Variants in MCF2L observed in about 807,000 individuals in gnomAD.
MCF2L encodes MCF.2 cell line derived transforming sequence like, also known as guanine nucleotide exchange factor DBS.
MCF2L carries 97 observed loss-of-function variants against 153.4 expected under a neutral mutation model. The ratio of observed to expected loss-of-function variants is 0.63; its 90% CI spans 0.54 to 0.75. The LOEUF (loss-of-function observed/expected upper bound fraction) is 0.75, where lower values mean the gene tolerates loss of function less well. Among genes scored for constraint, MCF2L ranks in the 30% least tolerant of loss-of-function variants. The pLI is 0.00. For missense variants in MCF2L, 1,347 were observed against 1,495.2 expected, an observed-to-expected ratio of 0.90 and a Z score of 1.64; for synonymous variants, 659 against 632.2, an observed-to-expected ratio of 1.04 and a Z score of -0.64.
chr13:112,985,329 G>C (rs952433314), intron 1 of MCF2L: 2 of 458,632 alleles, frequency 4.4e-6, no homozygotes. Flanking sequence ...TACAAGGAGA[G>C]GGTTGTGGCG....
intron 2 of MCF2L, among the ~76,000 whole-genome samples, chr13:113,019,327 G>A (rs1162383487): frequency 6.6e-6 from 1 of 152,180 alleles, no homozygotes; most frequent in Non-Finnish European, 1.5e-5. Flanking sequence ...CACCAGACCC[G>A]AAGCTCAGTC....
At position 113,074,339 on chromosome 13, in the gene MCF2L, C is replaced by T. The variant is rs1224579100; in HGVS notation, c.997-105C>T. The T allele has an allele frequency of 6.9e-7, 1 of 1,447,270 alleles. No homozygotes were observed. Among genetic ancestry groups the T allele is most frequent in the Non-Finnish European group, 9.5e-7 (1 of 1,047,438 alleles). The allele number at this position is 1,447,270 out of a possible 1,614,324, so 89.7% of individuals were successfully genotyped here. A position where few individuals can be genotyped will look rare whatever the true frequency, so the allele number is the denominator to read the frequency against. On this transcript the variant is annotated intron_variant, in intron 9 of 29. Coordinates refer to ENST00000535094, the MANE Select transcript of MCF2L (RefSeq NM_001112732.3). The surrounding 1 kb of genome is among the most constrained non-coding windows in gnomAD (Gnocchi z 4.2). ...CCCTGCTTGATTGATGACCACTTGG[C>T]CCGACTTTGAATTCTGTCATTTCCC...
intron 1 of MCF2L, among the ~76,000 whole-genome samples, chr13:112,994,483 C>A (rs1259051953): frequency 2.0e-5 from 3 of 152,220 alleles, no homozygotes; most frequent in South Asian, 4.1e-4. Context: ...AATCTCTGAG[C>A]TGAGTTTGTA....
chr13:113,062,135 C>T (rs573670389), intron 5 of MCF2L, among the ~76,000 whole-genome samples: 20 of 151,732 alleles, frequency 1.3e-4, no homozygotes, highest in Non-Finnish European at 2.8e-4. Flanking sequence ...TTTTTTGTAG[C>T]CTTGGAGAAG....
intron 2 of MCF2L, among the ~76,000 whole-genome samples, chr13:112,915,134 G>A (rs2081277349): frequency 6.6e-6 from 1 of 151,998 alleles, no homozygotes; most frequent in South Asian, 2.1e-4. Context: ...TGTTGGCCGG[G>A]CGTGGTGGCT....
At chr13:113,023,345 C>T (rs2085020249) in intron 2 of MCF2L, among the ~76,000 whole-genome samples, 1 of 152,236 alleles carries the variant, frequency 6.6e-6, no homozygotes, top group Admixed American at 6.5e-5. Context: ...CCACGGAGCC[C>T]TGTACTGAGG....
intron 4 of MCF2L, among the ~76,000 whole-genome samples, chr13:113,050,152 G>A (rs919276427): frequency 6.6e-6 from 1 of 151,762 alleles, no homozygotes; most frequent in Non-Finnish European, 1.5e-5. Flanking sequence ...CTGCATGTGT[G>A]AGTGTGTGAG....
chr13:112,909,444 C>T, intron 2 of MCF2L: 1 of 667,832 alleles, frequency 1.5e-6, no homozygotes, highest in Non-Finnish European at 2.7e-6. Context: ...GCATTCACCC[C>T]AGCGTCCTGT....
chr13:113,059,681 C>T (rs138398702), intron 4 of MCF2L, among the ~76,000 whole-genome samples: 351 of 152,270 alleles, frequency 2.3e-3, no homozygotes, highest in Middle Eastern at 0.01. Context: ...ATTTCATCTT[C>T]GAAAGGGTGT....
Position 113,046,504 on chromosome 13 carries a change from C to T in MCF2L, c.369+1143C>T, listed in dbSNP as rs112215410. The T allele has an allele frequency of 2.1e-5, 11 of 528,030 alleles. No individual in the cohort carries two copies. The highest frequency in any genetic ancestry group is 4.2e-5 in the South Asian group (3 of 71,260). The allele number at this position is 528,030 out of a possible 1,614,324, so 32.7% of individuals were successfully genotyped here. ...ACTACCTTTGGGTTCCCCAGCCTCT[C>T]GGTGGCTGCTGGCTGGTGCGCCAAG... On this transcript the variant is annotated intron_variant, in intron 4 of 29. Coordinates refer to ENST00000535094, the MANE Select transcript of MCF2L (RefSeq NM_001112732.3). This position sits in a 1 kb window ranked among gnomAD's most constrained non-coding sequence, Gnocchi z 4.4.
At chr13:113,095,004 G>A in intron 27 of MCF2L, 1 of 1,376,934 alleles carries the variant, frequency 7.3e-7, no homozygotes, top group Non-Finnish European at 9.7e-7. Flanking sequence ...CCACTCGTGG[G>A]TGCACCTTCC....
At chr13:112,909,139 C>T in intron 2 of MCF2L, 1 of 750,514 alleles carries the variant, frequency 1.3e-6, no homozygotes, top group Non-Finnish European at 2.5e-6. Context: ...TCCTGCTTGC[C>T]TCATCCGCTT....
intron 3 of MCF2L, among the ~76,000 whole-genome samples, chr13:113,041,548 CAT>C (rs2086489158): frequency 6.6e-6 from 1 of 151,550 alleles, no homozygotes; most frequent in Non-Finnish European, 1.5e-5. Flanking sequence ...GCCCTGCCCC[CAT>C]GACCACAGTC....
chr13:113,078,039 C>T (rs1002769813), intron 13 of MCF2L, among the ~76,000 whole-genome samples: 13 of 152,206 alleles, frequency 8.5e-5, no homozygotes, highest in African/African-American at 3.1e-4. Flanking sequence ...CCGTCCTCCC[C>T]CTTCCCGCAC....
At chr13:112,915,534 C>G (rs2140541421) in intron 2 of MCF2L, among the ~76,000 whole-genome samples, 1 of 151,850 alleles carries the variant, frequency 6.6e-6, no homozygotes, top group African/African-American at 2.4e-5. Flanking sequence ...TTCTGCTTGC[C>G]TTCCATTTTC....
intron 26 of MCF2L, chr13:113,090,054 C>G (rs560164559): frequency 3.2e-6 from 5 of 1,573,778 alleles, no homozygotes; most frequent in Non-Finnish European, 4.3e-6. Context: ...TAGTTTCTTT[C>G]TCTTCCTTCA....
At chr13:113,049,125 C>G (rs1336298230) in intron 4 of MCF2L, among the ~76,000 whole-genome samples, 2 of 152,134 alleles carry the variant, frequency 1.3e-5, no homozygotes, top group African/African-American at 2.4e-5. Flanking sequence ...TTGGATGGGC[C>G]AGGAGACATG....
intron 2 of MCF2L, among the ~76,000 whole-genome samples, chr13:113,019,861 G>C (rs1046773019): frequency 6.6e-6 from 1 of 152,162 alleles, no homozygotes; most frequent in Non-Finnish European, 1.5e-5. Context: ...TGGGGAAGCC[G>C]CCGTCACCAG....
At chr13:113,063,437 GCGTT>G (rs1455925861) in intron 5 of MCF2L, among the ~76,000 whole-genome samples, 4 of 123,016 alleles carry the variant, frequency 3.3e-5, no homozygotes, top group East Asian at 7.4e-4. Context: ...GCCGCCCACA[GCGTT>G]CAGGCGTCCC....
Sources: allele counts gnomAD v4.1 joint callset (sites outside exome capture counted in the v4.1 genomes callset), GRCh38; gene constraint gnomAD v4.1.1; non-coding constraint Gnocchi (gnomAD v3.1); transcripts MANE v1.5; gene names NCBI Gene and HGNC (gene_info 2026-07-23, HGNC 2026-07-21).